Variants in STK32A observed in about 807,000 individuals in gnomAD.
STK32A encodes serine/threonine-protein kinase 32A.
STK32A carries 41 observed loss-of-function variants against 53.2 expected under a neutral mutation model. The ratio of observed to expected loss-of-function variants is 0.77; its 90% confidence interval spans 0.60 to 1.00. The LOEUF is 1.00. Ranked by LOEUF, STK32A falls within the 50% of genes least tolerant of loss-of-function variation. The pLI is 0.00. For missense variants in STK32A, 458 were observed against 485.8 expected, an observed-to-expected ratio of 0.94 and a Z score of 0.54; for synonymous variants, 166 against 162.8, an observed-to-expected ratio of 1.02 and a Z score of -0.15.
intron 5 of STK32A, among the ~76,000 whole-genome samples, chr5:147,328,483 G>C (rs1232419485): frequency 7.9e-5 from 12 of 152,140 alleles, no homozygotes. Flanking sequence ...TAAAGACACA[G>C]GGTTGCATAA....
At chr5:147,251,873 G>A (rs1754014863) in intron 2 of STK32A, among the ~76,000 whole-genome samples, 1 of 152,092 alleles carries the variant, frequency 6.6e-6, no homozygotes, top group South Asian at 2.1e-4. Context: ...GGATTTTAAG[G>A]ACAACAATTC....
chr5:147,309,976 A>G (rs1281844138), intron 4 of STK32A, among the ~76,000 whole-genome samples: 2 of 152,212 alleles, frequency 1.3e-5, no homozygotes, highest in African/African-American at 4.8e-5. Flanking sequence ...AAAATTAGCT[A>G]CAACTGCAAA....
At chr5:147,399,306 C>A in the STK32A span, 1 of 1,552,890 alleles carries the variant, frequency 6.4e-7, no homozygotes, top group South Asian at 1.2e-5. Context: ...TATATCAATT[C>A]AGGGCTTCTG....
At chr5:147,380,888 ATTG>A (rs764332467) in intron 11 of STK32A, among the ~76,000 whole-genome samples, 8 of 152,334 alleles carry the variant, frequency 5.3e-5, no homozygotes, top group Non-Finnish European at 7.4e-5. Flanking sequence ...TTTTAGATTA[ATTG>A]TTGTTTTTTA....
intron 1 of STK32A, among the ~76,000 whole-genome samples, chr5:147,235,970 T>G (rs1401261695): frequency 2.0e-5 from 3 of 152,240 alleles, no homozygotes; most frequent in African/African-American, 7.2e-5. Flanking sequence ...CCCCTATTTT[T>G]AAAATATTTC....
rs1339883276 is a variant in STK32A at position 147,387,478 on chromosome 5, G to T, written c.*3495G>T. The T allele has an allele frequency of 1.3e-5, 2 of 152,256 alleles. No individual in the cohort carries two copies. Among genetic ancestry groups the T allele is most frequent in the Admixed American group, 6.5e-5 (1 of 15,288 alleles). 9.4% of individuals were successfully genotyped at this position (152,256 alleles called of 1,614,324 possible). A position where few individuals can be genotyped will look rare whatever the true frequency, so the allele number is the denominator to read the frequency against. ...GGATGGAAGAATAAGTAGGAAGAAA[G>T]AGTATTAATGTAGCTAGTAGGGACC... On this transcript the variant is annotated 3_prime_UTR_variant, in exon 13 of 13. Transcript: ENST00000397936.
At chr5:147,327,308 T>C (rs1412648676) in intron 5 of STK32A, among the ~76,000 whole-genome samples, 3 of 152,204 alleles carry the variant, frequency 2.0e-5, no homozygotes, top group Non-Finnish European at 4.4e-5. Context: ...CCGATTCATG[T>C]TGTACTTGAA....
At chr5:147,350,615 A>C (rs1431897265) in intron 6 of STK32A, among the ~76,000 whole-genome samples, 1 of 151,844 alleles carries the variant, frequency 6.6e-6, no homozygotes, top group East Asian at 1.9e-4. Flanking sequence ...TGATCTGCCC[A>C]CCTCAGCCTT....
chr5:147,250,810 C>T (rs373766546), intron 2 of STK32A, among the ~76,000 whole-genome samples: 3 of 151,652 alleles, frequency 2.0e-5, no homozygotes, highest in Non-Finnish European at 2.9e-5. Flanking sequence ...GGCCTGGTGG[C>T]GGGTGCCTGT....
chr5:147,347,673 G>GA (rs1358505678), intron 6 of STK32A, among the ~76,000 whole-genome samples: 5 of 152,160 alleles, frequency 3.3e-5, no homozygotes, highest in Admixed American at 2.6e-4. Context: ...CTGGGCTAAT[G>GA]AAAAAAGCCA....
chr5:147,376,173 CA>C (rs1561757199), intron 11 of STK32A, among the ~76,000 whole-genome samples: 1 of 152,162 alleles, frequency 6.6e-6, no homozygotes, highest in Admixed American at 6.5e-5. Flanking sequence ...CTCTAGTAGT[CA>C]GGGGCCACTA....
intron 4 of STK32A, among the ~76,000 whole-genome samples, chr5:147,308,765 A>G (rs1259043492): frequency 6.6e-6 from 1 of 150,596 alleles, no homozygotes; most frequent in Non-Finnish European, 1.5e-5. Context: ...ACAATATTTT[A>G]TCAAATACTT....
intron 4 of STK32A, among the ~76,000 whole-genome samples, chr5:147,301,677 GT>G (rs564679755): frequency 9.6e-4 from 146 of 152,232 alleles, no homozygotes; most frequent in African/African-American, 3.3e-3. Context: ...TGCTGTATTA[GT>G]TTTCCGTTGC....
intron 6 of STK32A, among the ~76,000 whole-genome samples, chr5:147,346,678 T>C (rs1455080245): frequency 1.3e-5 from 2 of 152,222 alleles, no homozygotes; most frequent in Non-Finnish European, 2.9e-5. Flanking sequence ...ACTATCCTAA[T>C]GTATATTTTC....
chr5:147,333,447 A>G (rs1373278034), intron 5 of STK32A, among the ~76,000 whole-genome samples: 1 of 152,186 alleles, frequency 6.6e-6, no homozygotes, highest in African/African-American at 2.4e-5. Flanking sequence ...CAGAGAGGCT[A>G]TTTGCATGGT....
chr5:147,246,895 G>A (rs1482909871), intron 2 of STK32A, among the ~76,000 whole-genome samples: 1 of 152,072 alleles, frequency 6.6e-6, no homozygotes, highest in Non-Finnish European at 1.5e-5. Context: ...AGTACAAGTT[G>A]GATTTGATGA....
intron 7 of STK32A, among the ~76,000 whole-genome samples, chr5:147,360,719 A>T (rs1756466805): frequency 6.6e-6 from 1 of 152,184 alleles, no homozygotes; most frequent in Non-Finnish European, 1.5e-5. Flanking sequence ...ATTCTGTATT[A>T]GACAGTAGGA....
chr5:147,383,341 G>C (rs1561761228), intron 11 of STK32A, 100 bp from the exon 12 acceptor site: 1 of 930,370 alleles, frequency 1.1e-6, no homozygotes, highest in East Asian at 2.7e-5. Context: ...TCAATTTGGG[G>C]CTATTCATTG....
intron 5 of STK32A, among the ~76,000 whole-genome samples, chr5:147,332,473 T>C (rs1754918641): frequency 1.3e-5 from 2 of 152,124 alleles, no homozygotes; most frequent in Admixed American, 6.6e-5. Flanking sequence ...ACATTTAAAG[T>C]CTAAAAATTA....
Sources: gnomAD v4.1 joint callset for allele counts (sites outside exome capture counted in the v4.1 genomes callset) on GRCh38, gnomAD v4.1.1 for gene constraint, MANE v1.5 for transcripts, NCBI Gene and HGNC (gene_info 2026-07-23, HGNC 2026-07-21) for gene names.